Variants in NCALD observed in about 807,000 individuals in gnomAD.
NCALD encodes the protein neurocalcin delta.
In NCALD, 10 loss-of-function variants were observed where a neutral mutation model predicts 18.6. The ratio of observed to expected loss-of-function variants is 0.54; its 90% CI spans 0.33 to 0.91. NCALD has a LOEUF of 0.91. Ranked by LOEUF, NCALD falls within the 40% of genes least tolerant of loss-of-function variation. NCALD has a pLI of 0.03. For missense variants in NCALD, 184 were observed against 247.6 expected (o/e 0.74, Z 1.72); for synonymous variants, 88 against 87.4 (o/e 1.01, Z -0.04).
chr8:101,958,437 G>A (rs1269866303), intron 2 of NCALD, among the ~76,000 whole-genome samples: 1 of 152,096 alleles, frequency 6.6e-6, no homozygotes, highest in Non-Finnish European at 1.5e-5. Context: ...GAGGAATCGA[G>A]CCCAAGGAGA....
At chr8:101,868,422 C>T (rs1240958180) in intron 4 of NCALD, among the ~76,000 whole-genome samples, 3 of 152,158 alleles carry the variant, frequency 2.0e-5, no homozygotes, top group Non-Finnish European at 4.4e-5. Context: ...CTGATTCACG[C>T]TGACTTCCTA....
chr8:102,047,345 A>T (rs1209693913), intron 1 of NCALD, among the ~76,000 whole-genome samples: 1 of 152,200 alleles, frequency 6.6e-6, no homozygotes, highest in Non-Finnish European at 1.5e-5. Context: ...GATATTTGAA[A>T]GACACTCTTG....
chr8:101,816,905 G>A (rs1417162371), intron 4 of NCALD, among the ~76,000 whole-genome samples: 1 of 152,060 alleles, frequency 6.6e-6, no homozygotes, highest in Non-Finnish European at 1.5e-5. Flanking sequence ...AGGGGTAAAT[G>A]AGACATCTCT....
chr8:101,738,541 T>A (rs1810029877), intron 1 of NCALD, among the ~76,000 whole-genome samples: 2 of 75,352 alleles, frequency 2.7e-5, no homozygotes, highest in Admixed American at 3.8e-4. Flanking sequence ...CGAAACTCCA[T>A]CTCAAAAAAA....
At chr8:101,931,722 C>T (rs183394274) in intron 2 of NCALD, among the ~76,000 whole-genome samples, 1 of 151,976 alleles carries the variant, frequency 6.6e-6, no homozygotes, top group East Asian at 1.9e-4. Flanking sequence ...TTTAACACAA[C>T]TACTCTCATG....
chr8:101,859,367 C>T (rs932276970), intron 4 of NCALD, among the ~76,000 whole-genome samples: 1 of 152,136 alleles, frequency 6.6e-6, no homozygotes, highest in Non-Finnish European at 1.5e-5. Flanking sequence ...CGTTGCTCCT[C>T]GGCTTGCAGA....
intron 1 of NCALD, among the ~76,000 whole-genome samples, chr8:101,790,035 G>T (rs1377667175): frequency 6.6e-6 from 1 of 152,178 alleles, no homozygotes; most frequent in African/African-American, 2.4e-5. Flanking sequence ...AGTAGAACTT[G>T]TGTCAATGAT....
chr8:102,035,214 T>A (rs2132154095), intron 1 of NCALD, among the ~76,000 whole-genome samples: 1 of 150,634 alleles, frequency 6.6e-6, no homozygotes, highest in Non-Finnish European at 1.5e-5. Flanking sequence ...GCTGGAAGAA[T>A]CTCGGTGACT....
intron 4 of NCALD, among the ~76,000 whole-genome samples, chr8:101,848,830 A>C (rs1187043637): frequency 6.6e-6 from 1 of 152,144 alleles, no homozygotes; most frequent in Non-Finnish European, 1.5e-5. Flanking sequence ...AGAATTTGGT[A>C]TCTGTTTGAC....
At chr8:102,104,014 TACAC>T (rs1467647543) in intron 1 of NCALD, among the ~76,000 whole-genome samples, 8 of 152,266 alleles carry the variant, frequency 5.3e-5, no homozygotes, top group African/African-American at 1.4e-4. Context: ...TATCTACAAA[TACAC>T]ACACGCATAC....
At chr8:101,711,577 T>C (rs1333740904) in intron 2 of NCALD, among the ~76,000 whole-genome samples, 1 of 151,770 alleles carries the variant, frequency 6.6e-6, no homozygotes, top group African/African-American at 2.4e-5. Flanking sequence ...AGAATATAAA[T>C]GACCTGATGG....
chr8:101,759,413 AAGAG>A (rs1204154855), intron 1 of NCALD, among the ~76,000 whole-genome samples: 1 of 152,130 alleles, frequency 6.6e-6, no homozygotes, highest in African/African-American at 2.4e-5. Flanking sequence ...AGGAGGAGGA[AAGAG>A]AGAGACAGGG....
chr8:102,070,257 T>C (rs923569951), intron 1 of NCALD, among the ~76,000 whole-genome samples: 1 of 152,220 alleles, frequency 6.6e-6, no homozygotes, highest in Non-Finnish European at 1.5e-5. Context: ...AAATTACTTC[T>C]AGAACACTGT....
At chr8:101,894,043 C>G (rs1196363046) in intron 3 of NCALD, among the ~76,000 whole-genome samples, 1 of 147,474 alleles carries the variant, frequency 6.8e-6, no homozygotes, top group Non-Finnish European at 1.5e-5. Context: ...CTCTCCACCC[C>G]AAATCAACAG....
chr8:101,922,761 A>G (rs923193508), intron 2 of NCALD, among the ~76,000 whole-genome samples: 3 of 152,206 alleles, frequency 2.0e-5, no homozygotes, highest in Non-Finnish European at 4.4e-5. Flanking sequence ...AATTTGATAC[A>G]TACTATGTTT....
At chr8:101,825,741 G>T (rs1313546139) in intron 4 of NCALD, among the ~76,000 whole-genome samples, 1 of 151,844 alleles carries the variant, frequency 6.6e-6, no homozygotes, top group Admixed American at 6.6e-5. Context: ...AACTTTTTCT[G>T]TAAAGGGTCA....
intron 1 of NCALD, among the ~76,000 whole-genome samples, chr8:101,769,019 G>A (rs1811471912): frequency 2.0e-5 from 3 of 152,158 alleles, no homozygotes; most frequent in Admixed American, 2.0e-4. Context: ...TGGAGTCAGA[G>A]GTGAGGTGAT....
chr8:101,780,047 G>C (rs1353826976), intron 1 of NCALD: 1 of 152,000 alleles, frequency 6.6e-6, no homozygotes, highest in African/African-American at 2.4e-5. Flanking sequence ...TGTTACTTTG[G>C]ACAGTAAAAC....
At chr8:102,113,241 A>T (rs1453374936) in intron 1 of NCALD, among the ~76,000 whole-genome samples, 5 of 152,232 alleles carry the variant, frequency 3.3e-5, no homozygotes, top group Non-Finnish European at 7.3e-5. Flanking sequence ...AAAGACAAAG[A>T]TGTTCCAAAA....
Sources: allele counts gnomAD v4.1 joint callset (sites outside exome capture counted in the v4.1 genomes callset), GRCh38; gene constraint gnomAD v4.1.1; transcripts MANE v1.5; gene names NCBI Gene and HGNC (gene_info 2026-07-23, HGNC 2026-07-21).